EIF4ENIF1: variants seen among roughly 807,000 people sequenced by gnomAD.
EIF4ENIF1 encodes eukaryotic translation initiation factor 4E transporter.
In EIF4ENIF1, 23 loss-of-function variants were observed where a neutral mutation model predicts 110.5. That is an observed-to-expected ratio of 0.21 (90% CI 0.15 to 0.29). The LOEUF is 0.29. Ranked by LOEUF, EIF4ENIF1 falls within the 10% of genes least tolerant of loss-of-function variation. The pLI, the probability that EIF4ENIF1 is intolerant of heterozygous loss-of-function variation, is 1.00. For missense variants in EIF4ENIF1, 1,031 were observed against 1,221.1 expected (o/e 0.84, Z 2.32); for synonymous variants, 440 against 437.0 (o/e 1.01, Z -0.09).
At chr22:31,455,725 T>C (rs1601589032) in intron 8 of EIF4ENIF1, 127 bp downstream of exon 8, 4 of 1,269,090 alleles carry the variant, frequency 3.2e-6, no homozygotes, top group African/African-American at 1.5e-5. Context: ...AGGACACAAA[T>C]TGAAGGCTTT....
chr22:31,462,115 A>G (rs1005463150), intron 6 of EIF4ENIF1, among the ~76,000 whole-genome samples: 3 of 152,124 alleles, frequency 2.0e-5, no homozygotes, highest in Non-Finnish European at 4.4e-5. Flanking sequence ...ATAACTTCAG[A>G]CTTTTCTGTT....
Position 31,450,270 on chromosome 22 carries a change from G to T in EIF4ENIF1, c.1584+19C>A, listed in dbSNP as rs1343120606. On this transcript the variant is annotated intron_variant, in intron 11 of 18. Transcript: ENST00000330125. ...TACTGTTCAAGACTCCAAGGCCTCA[G>T]TATAAGATTGTGAAGTACCTGCAGG... 1.2e-6 allele frequency: 2 copies of T among 1,609,042 alleles called. No homozygotes were observed. The highest frequency in any genetic ancestry group is 3.3e-5 in the Admixed American group (2 of 59,946).
Position 31,440,716 on chromosome 22 carries a change from G to C in EIF4ENIF1, c.2704C>G (p.Leu902Val). 1.2e-6 allele frequency: 2 copies of C among 1,613,892 alleles called. No homozygotes were observed. The highest frequency in any genetic ancestry group is 1.7e-6 in the Non-Finnish European group (2 of 1,179,854). ...TTCCTGAACCTACCTGAGCGCTGTA[G>C]CTGCTGTTGCACCATTGCCAGATGC... ...PLHLAMVQQQ[L>V]QRSVLHPPGS... The change falls in exon 18 of 19, where the codon CTA becomes GTA. Residue 902 changes from leucine to valine, a missense_variant. Transcript: ENST00000330125.
chr22:31,467,387 T>C (rs2051225297), intron 4 of EIF4ENIF1, among the ~76,000 whole-genome samples: 1 of 152,240 alleles, frequency 6.6e-6, no homozygotes, highest in African/African-American at 2.4e-5. Flanking sequence ...ACTGCTTTTA[T>C]ATTACCTGGT....
chr22:31,456,470 G>T lies in EIF4ENIF1; in HGVS notation c.964-483C>A, dbSNP rs1051012984. ...GATCTCCTGACCTTGTGATCCGCCC[G>T]CCTTGGCCTCCCAAAGTGCTGGGAT... On this transcript the variant is annotated intron_variant, in intron 7 of 18. Transcript: ENST00000330125. Among the ~76,000 whole-genome samples the T allele has an allele frequency of 2.6e-5, 4 of 151,874 alleles. No homozygotes were observed. The South Asian group carries it at 8.3e-4, about 32-fold the overall frequency.
Position 31,471,700 on chromosome 22 carries a change from C to A in EIF4ENIF1, c.170+144G>T. 2.8e-6 allele frequency: 2 copies of A among 718,434 alleles called. 1 individual carries two copies. The highest frequency in any genetic ancestry group is 3.5e-5 in the South Asian group (2 of 57,326). The allele number at this position is 718,434 out of a possible 1,614,324, so 44.5% of individuals were successfully genotyped here. Reference sequence around the variant, plus strand: ...TAGTTTCATTCCTAGGTAGTTGAAACCCATCTTATTACCTCTCGAAATCCC... The same window carrying A: ...TAGTTTCATTCCTAGGTAGTTGAAAACCATCTTATTACCTCTCGAAATCCC... On this transcript the variant is annotated intron_variant, in intron 3 of 18. Transcript: ENST00000330125.
In EIF4ENIF1 at chr22:31,462,972, C is replaced by T. The variant is rs751223903; in HGVS notation, c.747G>A (p.Gly249=). 2 of 1,614,004 alleles carry T rather than the reference C, an allele frequency of 1.2e-6. No homozygotes were observed. The highest frequency in any genetic ancestry group is 1.7e-6 in the Non-Finnish European group (2 of 1,180,018). ...CTGTCCGTCGCCTTGTTCTTTTTCT[C>T]CCTTTGTGATCTTCTTCTAGTATCT... ...DDKILEEDHK[G]RKRTRRRTAS... Residue 249 remains glycine (G), a synonymous_variant, in exon 6 of 19, where the codon GGG becomes GGA. Coordinates refer to ENST00000330125, the MANE Select transcript of EIF4ENIF1 (RefSeq NM_019843.4).
At chr22:31,462,265 T>C (rs2051019476) in intron 6 of EIF4ENIF1, among the ~76,000 whole-genome samples, 2 of 152,044 alleles carry the variant, frequency 1.3e-5, no homozygotes, top group South Asian at 2.1e-4. Context: ...GGTGATCACC[T>C]GAGGTCAGGA....
chr22:31,449,617 A>C, intron 11 of EIF4ENIF1, 86 bp from the exon 12 acceptor site: 1 of 1,263,504 alleles, frequency 7.9e-7, no homozygotes, highest in Non-Finnish European at 1.1e-6. Flanking sequence ...TTTGAGAGCC[A>C]CAAGATGGAT....
intron 14 of EIF4ENIF1, 35 bp from the exon 15 acceptor site, chr22:31,444,725 TC>T (rs762273780): frequency 6.3e-7 from 1 of 1,595,682 alleles, no homozygotes; most frequent in Non-Finnish European, 8.6e-7. Flanking sequence ...TGAACCCCAA[TC>T]TGCTTAACTT....
At chr22:31,453,877 A>G (rs778175310) in intron 10 of EIF4ENIF1, among the ~76,000 whole-genome samples, 20 of 152,330 alleles carry the variant, frequency 1.3e-4, no homozygotes, top group East Asian at 1.9e-4. Context: ...GCAGTGACTT[A>G]AAGTTATACA....
At chr22:31,479,367 A>C (rs1477109721) in intron 2 of EIF4ENIF1, 2 of 151,912 alleles carry the variant, frequency 1.3e-5, no homozygotes, top group Non-Finnish European at 2.9e-5. Context: ...GGACAAGAGA[A>C]GAGTCTTTTT....
At position 31,463,384 on chromosome 22, in the gene EIF4ENIF1, G is replaced by C. The variant is rs998686264; in HGVS notation, c.586-251C>G. Among the ~76,000 whole-genome samples the C allele has an allele frequency of 7.2e-5, 11 of 151,958 alleles. No individual in the cohort carries two copies. In the South Asian group the frequency reaches 1.5e-3, roughly 20 times the overall value. On this transcript the variant is annotated intron_variant, in intron 5 of 18. Transcript: ENST00000330125. ...AGCACATGAACTACCAAAGAATCTA[G>C]AAGACAAACCCAGGTCGGGTGTGGT...
intron 4 of EIF4ENIF1, among the ~76,000 whole-genome samples, chr22:31,465,271 T>A (rs2051146067): frequency 6.9e-6 from 1 of 145,208 alleles, no homozygotes; most frequent in African/African-American, 2.6e-5. Flanking sequence ...TGCAGTGAGC[T>A]GAGACTGCAC....
chr22:31,492,444 A>C (rs769900376), upstream of EIF4ENIF1, among the ~76,000 whole-genome samples: 6 of 152,182 alleles, frequency 3.9e-5, no homozygotes, highest in Non-Finnish European at 7.4e-5. Flanking sequence ...GATAGCTGGA[A>C]CTAATTTCCT....
At chr22:31,447,199 A>T (rs1212765977) in intron 14 of EIF4ENIF1, among the ~76,000 whole-genome samples, 1 of 152,236 alleles carries the variant, frequency 6.6e-6, no homozygotes, top group African/African-American at 2.4e-5. Context: ...TAAATCAAGA[A>T]CGGAAATAAA....
In EIF4ENIF1 at chr22:31,458,567, C is replaced by T; in HGVS notation, c.871G>A (p.Val291Met). Reference protein sequence around the residue: ...LAQEPAADQEVPRDAVLPEQS... With the variant: ...LAQEPAADQEMPRDAVLPEQS... ...TCAGGCAAGACAGCATCCCTTGGCA[C>T]TTCCTGATCAGCCGCAGGCTCCTGT... The change falls in exon 7 of 19, where the codon GTG becomes ATG. Residue 291 changes from valine (V) to methionine (M), a missense_variant. Val to Met is a conservative substitution (Grantham distance 21). This residue lies in a region of EIF4ENIF1 where 704 missense variants were observed against 879.7 expected (regional missense o/e 0.80). Transcript: ENST00000330125. The T allele has an allele frequency of 6.2e-7, 1 of 1,613,912 alleles. No individual in the cohort carries two copies.
At chr22:31,470,612 T>C (rs2051341686) in intron 3 of EIF4ENIF1, among the ~76,000 whole-genome samples, 1 of 151,830 alleles carries the variant, frequency 6.6e-6, no homozygotes, top group South Asian at 2.1e-4. Flanking sequence ...AGATGGTTTA[T>C]ATTAGTATTA....
intron 14 of EIF4ENIF1, chr22:31,446,923 C>G: frequency 4.4e-6 from 2 of 450,102 alleles, no homozygotes; most frequent in Admixed American, 5.6e-5. Flanking sequence ...TTGTTAACAG[C>G]TCTGATCAAC....
Sources: gnomAD v4.1 joint callset for allele counts (sites outside exome capture counted in the v4.1 genomes callset) on GRCh38, gnomAD v4.1.1 for gene constraint, gnomAD v4.1.1 regional missense constraint, MANE v1.5 for transcripts, NCBI Gene and HGNC (gene_info 2026-07-23, HGNC 2026-07-21) for gene names.